MYO3A: variants seen among roughly 807,000 people sequenced by gnomAD.
The protein encoded by MYO3A is myosin IIIA.
Under a neutral mutation model 192.7 loss-of-function variants are expected in MYO3A, and 180 were observed. That is an observed-to-expected ratio of 0.93 (90% CI 0.83 to 1.06). MYO3A has a LOEUF of 1.06. Ranked by LOEUF, MYO3A falls within the 50% of genes least tolerant of loss-of-function variation. The pLI, the probability that MYO3A is intolerant of heterozygous loss-of-function variation, is 0.00. For synonymous variants in MYO3A, 628 were observed against 645.3 expected (o/e 0.97, Z 0.41); for missense variants, 1,896 against 1,905.0 (o/e 1.00, Z 0.09).
At chr10:26,110,693 A>G (rs1838110963) in intron 17 of MYO3A, among the ~76,000 whole-genome samples, 2 of 152,162 alleles carry the variant, frequency 1.3e-5, no homozygotes, top group African/African-American at 4.8e-5. Flanking sequence ...TAAAGGATAG[A>G]GTGTGCATAC....
chr10:25,997,279 A>G (rs1564443475), intron 6 of MYO3A, 21 bp downstream of exon 6: 9 of 1,524,378 alleles, frequency 5.9e-6, no homozygotes, highest in Non-Finnish European at 8.2e-6. Flanking sequence ...TTTAAAATGC[A>G]TGAGTTTTAA....
At chr10:26,070,932 C>G (rs1476201848) in intron 14 of MYO3A, among the ~76,000 whole-genome samples, 1 of 152,006 alleles carries the variant, frequency 6.6e-6, no homozygotes, top group African/African-American at 2.4e-5. Flanking sequence ...ATAACATGAT[C>G]ATGGATTAAG....
chr10:25,939,716 A>G (rs1054957102), intron 2 of MYO3A, among the ~76,000 whole-genome samples: 3 of 151,866 alleles, frequency 2.0e-5, no homozygotes, highest in African/African-American at 7.2e-5. Context: ...AGGATTTCAT[A>G]TGTATTCTGG....
chr10:26,189,861 G>A (rs907259762), intron 31 of MYO3A, among the ~76,000 whole-genome samples: 5 of 152,056 alleles, frequency 3.3e-5, no homozygotes, highest in Non-Finnish European at 7.4e-5. Flanking sequence ...TCAAGAGTTC[G>A]AGACCAGGCT....
chr10:26,097,777 A>T (rs931854237), intron 17 of MYO3A, among the ~76,000 whole-genome samples: 1 of 152,130 alleles, frequency 6.6e-6, no homozygotes, highest in Non-Finnish European at 1.5e-5. Flanking sequence ...TTCTTAATCC[A>T]GTCTATCATT....
chr10:26,066,080 C>T (rs1834819997), intron 10 of MYO3A, among the ~76,000 whole-genome samples: 1 of 40,502 alleles, frequency 2.5e-5, no homozygotes. Context: ...CGAGATCGCG[C>T]CACTGCACTC....
intron 4 of MYO3A, among the ~76,000 whole-genome samples, chr10:25,993,028 A>G (rs1263005920): frequency 6.6e-6 from 1 of 152,098 alleles, no homozygotes; most frequent in East Asian, 1.9e-4. Flanking sequence ...CTCATACAAT[A>G]AGTTAGGGAG....
chr10:25,990,292 C>T (rs1839931127), intron 4 of MYO3A, among the ~76,000 whole-genome samples: 1 of 152,018 alleles, frequency 6.6e-6, no homozygotes, highest in African/African-American at 2.4e-5. Context: ...GTAATACTTA[C>T]TGTAATAATA....
chr10:26,166,443 G>A (rs1404449943), intron 27 of MYO3A, among the ~76,000 whole-genome samples: 1 of 152,172 alleles, frequency 6.6e-6, no homozygotes, highest in Non-Finnish European at 1.5e-5. Flanking sequence ...TTGGAAGGCC[G>A]AGGTGGGAGA....
intron 4 of MYO3A, among the ~76,000 whole-genome samples, chr10:25,989,962 G>A (rs1443037727): frequency 1.3e-5 from 2 of 152,170 alleles, no homozygotes; most frequent in Non-Finnish European, 2.9e-5. Context: ...GGAGGATCAA[G>A]GATTTGTGGG....
At position 26,070,319 on chromosome 10, in the gene MYO3A, G is replaced by C. The variant is rs1425819404; in HGVS notation, c.1277G>C (p.Cys426Ser). The C allele has an allele frequency of 1.9e-6, 3 of 1,612,830 alleles. No homozygotes were observed. The African/African-American group carries it at 4.0e-5, about 22-fold the overall frequency. ...QSMITYNSDQ[C>S]IVISGESGAG... is the part of the protein sequence containing the mutation. Reference sequence around the variant, plus strand: ...CACAGTTTTCTTTTCTATGTATAGTGCATTGTTATTTCTGGAGAAAGTGGT... The same window carrying C: ...CACAGTTTTCTTTTCTATGTATAGTCCATTGTTATTTCTGGAGAAAGTGGT... Residue 426 changes from cysteine to serine, a missense_variant and splice_region_variant, in exon 14 of 35, where the codon TGC (cysteine) becomes TCC (serine). Coordinates refer to ENST00000642920, the MANE Select transcript of MYO3A (RefSeq NM_017433.5).
chr10:25,989,791 C>T (rs1300596590), intron 4 of MYO3A, among the ~76,000 whole-genome samples: 1 of 152,088 alleles, frequency 6.6e-6, no homozygotes, highest in Non-Finnish European at 1.5e-5. Context: ...CACCTTCTGA[C>T]TTGGGTTAGA....
At chr10:25,969,861 G>A (rs1838506375) in intron 4 of MYO3A, among the ~76,000 whole-genome samples, 1 of 152,084 alleles carries the variant, frequency 6.6e-6, no homozygotes, top group Admixed American at 6.5e-5. Flanking sequence ...AGATGGAGAA[G>A]CTGTACAATG....
intron 32 of MYO3A, among the ~76,000 whole-genome samples, chr10:26,198,388 G>A (rs1589117869): frequency 6.6e-6 from 1 of 152,300 alleles, no homozygotes; most frequent in Admixed American, 6.5e-5. Context: ...TGCAGCATCA[G>A]CAAAAATGAC....
chr10:26,122,177 A>G (rs1209384863), intron 18 of MYO3A, among the ~76,000 whole-genome samples: 2 of 152,252 alleles, frequency 1.3e-5, no homozygotes, highest in African/African-American at 4.8e-5. Context: ...CAATAGAGAT[A>G]GGTTGTAGAT....
At chr10:26,189,717 G>T (rs1475008849) in intron 31 of MYO3A, among the ~76,000 whole-genome samples, 2 of 152,104 alleles carry the variant, frequency 1.3e-5, no homozygotes, top group African/African-American at 4.8e-5. Context: ...GAAAAAAGAG[G>T]CATCATCATA....
intron 7 of MYO3A, among the ~76,000 whole-genome samples, chr10:26,019,236 TTTA>T (rs1429591247): frequency 8.1e-6 from 1 of 122,946 alleles, no homozygotes; most frequent in African/African-American, 3.3e-5. Flanking sequence ...TATTTATTTA[TTTA>T]TTTATTTATT....
Position 26,150,056 on chromosome 10 carries a change from G to GTA in MYO3A, c.2635+2498_2635+2499dup, listed in dbSNP as rs1840709645. Among the ~76,000 whole-genome samples, 7 of 150,368 alleles carry GTA rather than the reference G, an allele frequency of 4.7e-5. No homozygotes were observed. In the South Asian group the frequency reaches 1.5e-3, roughly 32 times the overall value. ...TGTGTGTGTGTGTGTGTGTGTGTGT[G>GTA]TAGACACCACATTTTCTTTATCCAA... On this transcript the variant is annotated intron_variant, in intron 23 of 34. Transcript: ENST00000642920.
chr10:26,042,154 C>T (rs573172802), intron 10 of MYO3A, among the ~76,000 whole-genome samples: 31 of 152,208 alleles, frequency 2.0e-4, no homozygotes, highest in African/African-American at 7.2e-4. Context: ...TCTCTACTGG[C>T]CTGTAAGGTT....
Sources: allele counts gnomAD v4.1 joint callset (sites outside exome capture counted in the v4.1 genomes callset), GRCh38; gene constraint gnomAD v4.1.1; transcripts MANE v1.5; gene names NCBI Gene and HGNC (gene_info 2026-07-23, HGNC 2026-07-21).